The following TSGA10 variants were observed in gnomAD, a reference collection of about 807,000 sequenced individuals.
TSGA10 encodes the protein testis specific 10, also known as testis-specific gene 10 protein.
In TSGA10, 43 loss-of-function variants were observed where a neutral mutation model predicts 96.6. That is an observed-to-expected ratio of 0.44 (90% CI 0.35 to 0.57). TSGA10 has a LOEUF of 0.57. Ranked by LOEUF, TSGA10 falls within the 20% of genes least tolerant of loss-of-function variation. TSGA10 has a pLI of 0.01. For missense variants in TSGA10, 703 were observed against 834.4 expected (o/e 0.84, Z 1.94); for synonymous variants, 229 against 269.9 (o/e 0.85, Z 1.48).
intron 10 of TSGA10, among the ~76,000 whole-genome samples, chr2:99,100,496 T>C (rs1198862029): frequency 6.6e-6 from 1 of 152,138 alleles, no homozygotes; most frequent in Non-Finnish European, 1.5e-5. Context: ...AAACAAAACT[T>C]GACCACTGCC....
chr2:99,051,292 TAAAA>T (rs2083365839), intron 16 of TSGA10, among the ~76,000 whole-genome samples: 1 of 152,004 alleles, frequency 6.6e-6, no homozygotes. Context: ...ACTAAAAAGA[TAAAA>T]AATATATCAT....
chr2:99,065,105 A>T lies in TSGA10; in HGVS notation c.1238T>A (p.Met413Lys), dbSNP rs1333166498. The T allele has an allele frequency of 6.2e-6, 10 of 1,611,712 alleles. No homozygotes were observed. In the Admixed American group the frequency reaches 1.7e-4, roughly 27 times the overall value. The change falls in exon 16 of 21, where the codon ATG (methionine) becomes AAG (lysine). Residue 413 changes from methionine to lysine, a missense_variant. Met to Lys is a moderately conservative substitution (Grantham distance 95). Coordinates refer to ENST00000393483, the MANE Select transcript of TSGA10 (RefSeq NM_025244.4). ...LKSEESENRQ[M>K]MEQLRKANED... is the part of the protein sequence containing the mutation. ...ATTGGCTTTTCGAAGTTGTTCCATC[A>T]TTTGCCGGTTCTCAGATTCCTGAAA...
intron 20 of TSGA10, 118 bp from the exon 21 acceptor site, chr2:98,998,339 T>TAGAA: frequency 5.0e-6 from 4 of 802,380 alleles, no homozygotes; most frequent in Non-Finnish European, 7.9e-6. Flanking sequence ...TCTTCATTTC[T>TAGAA]ATGAAGGAAA....
intron 10 of TSGA10, among the ~76,000 whole-genome samples, chr2:99,091,337 G>A (rs2089301848): frequency 6.6e-6 from 1 of 152,028 alleles, no homozygotes; most frequent in South Asian, 2.1e-4. Flanking sequence ...AAATCTCACA[G>A]GACCTATAAA....
chr2:99,035,915 A>G (rs1158040017), intron 16 of TSGA10, among the ~76,000 whole-genome samples: 2 of 152,160 alleles, frequency 1.3e-5, no homozygotes, highest in African/African-American at 4.8e-5. Flanking sequence ...ATGAAAACTG[A>G]TAACTCTTTA....
chr2:99,127,960 A>T (rs987064006), intron 1 of TSGA10, among the ~76,000 whole-genome samples: 1 of 152,242 alleles, frequency 6.6e-6, no homozygotes, highest in African/African-American at 2.4e-5. Flanking sequence ...ACTTTAGCAT[A>T]CTATACATAC....
intron 10 of TSGA10, among the ~76,000 whole-genome samples, chr2:99,089,699 C>T (rs1013910150): frequency 6.6e-5 from 10 of 152,098 alleles, no homozygotes; most frequent in Non-Finnish European, 1.5e-4. Context: ...CTCCTGGGAG[C>T]ATAACTCCCT....
chr2:99,022,431 T>C (rs1012966792), intron 17 of TSGA10, among the ~76,000 whole-genome samples: 1 of 150,462 alleles, frequency 6.6e-6, no homozygotes. Flanking sequence ...GGGTATTCCA[T>C]ATAAACGGAA....
chr2:99,009,102 A>G (rs1375924661), intron 20 of TSGA10, among the ~76,000 whole-genome samples: 2 of 152,194 alleles, frequency 1.3e-5, no homozygotes, highest in Non-Finnish European at 2.9e-5. Context: ...GCTAATCTAC[A>G]TATTCAAAAA....
At chr2:99,074,375 T>TGTGTGTGC (rs1216106717) in intron 12 of TSGA10, among the ~76,000 whole-genome samples, 2 of 151,886 alleles carry the variant, frequency 1.3e-5, no homozygotes, top group African/African-American at 4.8e-5. Flanking sequence ...TGTGTGTGTG[T>TGTGTGTGC]GCTATCTTCC....
At chr2:99,028,945 T>G (rs2105026860) in intron 17 of TSGA10, among the ~76,000 whole-genome samples, 1 of 152,304 alleles carries the variant, frequency 6.6e-6, no homozygotes, top group South Asian at 2.1e-4. Flanking sequence ...CCATGTTGTT[T>G]TATACAATAA....
At position 99,031,286 on chromosome 2, in the gene TSGA10, CAAAAAAAAAAA is replaced by C. The variant is rs70940132; in HGVS notation, c.1614+3933_1614+3943del. 2.0e-3 allele frequency among the ~76,000 whole-genome samples: 95 copies of C among 46,430 alleles called. 1 individual carries two copies. The highest frequency in any genetic ancestry group is 8.5e-3 in the African/African-American group (88 of 10,300). The allele number at this position is 46,430 out of a possible 152,430, so 30.5% of individuals were successfully genotyped here. ...CAGAAGAAGGTGGATACTCATAGGC[CAAAAAAAAAAA>C]AAAAAAAAAAAAAAAGAACCTCTAT... On this transcript the variant is annotated intron_variant, in intron 17 of 20. Coordinates refer to ENST00000393483, the MANE Select transcript of TSGA10 (RefSeq NM_025244.4).
At chr2:99,080,011 T>C (rs1034914021) in intron 11 of TSGA10, among the ~76,000 whole-genome samples, 13 of 152,178 alleles carry the variant, frequency 8.5e-5, no homozygotes, top group Non-Finnish European at 5.9e-5. Context: ...AAACAATCAA[T>C]ACATCTCTAA....
In TSGA10 at chr2:99,067,293, G is replaced by A. The variant is rs958288613; in HGVS notation, c.1218+1595C>T. 5.9e-5 allele frequency among the ~76,000 whole-genome samples: 9 copies of A among 152,278 alleles called. No individual in the cohort carries two copies. In the South Asian group the frequency reaches 6.2e-4, roughly 11 times the overall value. On this transcript the variant is annotated intron_variant, in intron 15 of 20. Transcript: ENST00000393483. ...GGTCTATCCCTATCAAAATGGATCC[G>A]TGGTTCATTCTCTCCGGGCCTGCAT...
At chr2:99,011,865 C>A (rs1489410106) in intron 20 of TSGA10, among the ~76,000 whole-genome samples, 1 of 152,132 alleles carries the variant, frequency 6.6e-6, no homozygotes, top group African/African-American at 2.4e-5. Context: ...GCAAAAAGAT[C>A]ATCACCTAGG....
chr2:99,095,695 C>G (rs1029316773), intron 10 of TSGA10, among the ~76,000 whole-genome samples: 2 of 152,206 alleles, frequency 1.3e-5, no homozygotes, highest in African/African-American at 4.8e-5. Context: ...GGCTGTAGTA[C>G]AGTGGTGCAA....
At chr2:99,075,863 T>G (rs1332786823) in intron 12 of TSGA10, among the ~76,000 whole-genome samples, 1 of 152,170 alleles carries the variant, frequency 6.6e-6, no homozygotes, top group African/African-American at 2.4e-5. Context: ...CTTCTAAATG[T>G]TAGTGTTGTG....
rs2087049591 is a variant in TSGA10 at position 99,078,698 on chromosome 2, A to G, written c.843T>C (p.Ser281=). ...ECLQACLDKK[S]ENIASLGESL... is the part of the protein sequence containing the mutation. ...TCTCTCCAAGGGATGCAATATTCTCAGATTTTTTATCCAAACATGCTTGCA... is the reference window on the plus strand; with the variant it reads ...TCTCTCCAAGGGATGCAATATTCTCGGATTTTTTATCCAAACATGCTTGCA... Residue 281 remains serine, a synonymous_variant, in exon 12 of 21, where the codon TCT becomes TCC. Coordinates refer to ENST00000393483, the MANE Select transcript of TSGA10 (RefSeq NM_025244.4). 1 of 1,613,664 alleles carries G rather than the reference A, an allele frequency of 6.2e-7. No homozygotes were observed. The highest frequency in any genetic ancestry group is 1.3e-5 in the African/African-American group (1 of 74,922).
In TSGA10 at chr2:99,109,472, G is replaced by T; in HGVS notation, c.-33C>A. 1 of 1,603,530 alleles carries T rather than the reference G, an allele frequency of 6.2e-7. No individual in the cohort carries two copies. The highest frequency in any genetic ancestry group is 1.1e-5 in the South Asian group (1 of 88,674). On this transcript the variant is annotated 5_prime_UTR_variant, in exon 6 of 21. Transcript: ENST00000393483. ...AAATGTTGAGCTTCACTCTTATAGT[G>T]ATCTTTGTCTGCTTCCAAAGTCTTG...
Sources: allele counts gnomAD v4.1 joint callset (sites outside exome capture counted in the v4.1 genomes callset), GRCh38; gene constraint gnomAD v4.1.1; transcripts MANE v1.5; gene names NCBI Gene and HGNC (gene_info 2026-07-23, HGNC 2026-07-21).